Variants in ACSL3 observed in about 807,000 individuals in gnomAD.
ACSL3 encodes the protein fatty acid CoA ligase Acsl3.
In ACSL3, 34 loss-of-function variants were observed where a neutral mutation model predicts 84.7. That is an observed-to-expected ratio of 0.40 (90% CI 0.31 to 0.53). ACSL3 has a LOEUF of 0.53. Ranked by LOEUF, ACSL3 falls within the 20% of genes least tolerant of loss-of-function variation. The probability of loss-of-function intolerance (pLI) is 0.48; values close to 1 mark genes in which losing one functional copy is unlikely to be tolerated. For missense variants in ACSL3, 680 were observed against 873.1 expected (o/e 0.78, Z 2.79); for synonymous variants, 315 against 299.4 (o/e 1.05, Z -0.54).
At chr2:222,932,105 C>T (rs928524683) in intron 14 of ACSL3, among the ~76,000 whole-genome samples, 7 of 152,274 alleles carry the variant, frequency 4.6e-5, no homozygotes, top group Middle Eastern at 3.4e-3. Flanking sequence ...TTCCAAATCC[C>T]CAGGTTGGAG....
Position 222,921,387 on chromosome 2 carries a change from A to T in ACSL3, c.913A>T (p.Ile305Phe), listed in dbSNP as rs1699124305. 6.3e-7 allele frequency: 1 copy of T among 1,599,064 alleles called. No homozygotes were observed. Among genetic ancestry groups the T allele is most frequent in the African/African-American group, 1.3e-5 (1 of 74,722 alleles). The change falls in exon 8 of 17, where the codon ATT becomes TTT. Residue 305 changes from isoleucine (I) to phenylalanine (F), a missense_variant. Ile to Phe is a conservative substitution (Grantham distance 21, BLOSUM62 0). Coordinates refer to ENST00000357430, the MANE Select transcript of ACSL3 (RefSeq NM_004457.5). ...AGTCATGATCTCACATAGTAACATT[A>T]TTGCTGGTATAACTGGGATGGCAGA... is the stretch of plus-strand genomic sequence containing the variant. ...KGVMISHSNI[I>F]AGITGMAERI...
At chr2:222,902,701 G>A (rs1259436569) in intron 3 of ACSL3, among the ~76,000 whole-genome samples, 1 of 152,228 alleles carries the variant, frequency 6.6e-6, no homozygotes, top group African/African-American at 2.4e-5. Context: ...AGCAAAGAGA[G>A]GGGTCCTGCA....
rs140746819 is a variant in ACSL3 at position 222,913,669 on chromosome 2, C to T, written c.379-2650C>T. On this transcript the variant is annotated intron_variant, in intron 4 of 16. Coordinates refer to ENST00000357430, the MANE Select transcript of ACSL3 (RefSeq NM_004457.5). ...CACAATTGTTAATCAGGCCACCTTA[C>T]TCACCTGCTTAATAAGACCCGGACT... Among the ~76,000 whole-genome samples, 437 of 152,264 alleles carry T rather than the reference C, an allele frequency of 2.9e-3. 1 individual carries two copies. The highest frequency in any genetic ancestry group is 9.8e-3 in the African/African-American group (407 of 41,540).
At position 222,912,006 on chromosome 2, in the gene ACSL3, A is replaced by G. The variant is rs543537653; in HGVS notation, c.378+2856A>G. On this transcript the variant is annotated intron_variant, in intron 4 of 16. Coordinates refer to ENST00000357430, the MANE Select transcript of ACSL3 (RefSeq NM_004457.5). ...CTATATGTCAGAAGATCTGCCTACTAGCATTTGCTATGAAATTGGCATTTG... is the reference window on the plus strand; with the variant it reads ...CTATATGTCAGAAGATCTGCCTACTGGCATTTGCTATGAAATTGGCATTTG... 3.3e-5 allele frequency among the ~76,000 whole-genome samples: 5 copies of G among 152,382 alleles called. No individual in the cohort carries two copies. In the South Asian group the frequency reaches 1.0e-3, roughly 32 times the overall value.
Position 222,927,019 on chromosome 2 carries a change from T to C in ACSL3, c.1295T>C (p.Phe432Ser). 1.9e-6 allele frequency: 3 copies of C among 1,610,902 alleles called. No homozygotes were observed. Among genetic ancestry groups the C allele is most frequent in the Non-Finnish European group, 2.5e-6 (3 of 1,177,498 alleles). The change falls in exon 12 of 17, where the codon TTT becomes TCT. Residue 432 changes from phenylalanine (F) to serine (S), a missense_variant and splice_region_variant. Physicochemically the swap from Phe to Ser is radical, Grantham distance 155. Transcript: ENST00000357430. ...KGRNTPLCDS[F>S]VFRKVRSLLG... ...GGTTCTCTAATTTTTTTCTTTAGCT[T>C]TGTTTTCCGGAAAGTTCGAAGCTTG...
intron 4 of ACSL3, among the ~76,000 whole-genome samples, chr2:222,910,196 A>G (rs1696408044): frequency 6.6e-6 from 1 of 152,226 alleles, no homozygotes; most frequent in African/African-American, 2.4e-5. Flanking sequence ...ATCGTGGAAT[A>G]GTGTGTTTCA....
intron 3 of ACSL3, among the ~76,000 whole-genome samples, chr2:222,905,497 AT>A (rs1696270080): frequency 6.6e-6 from 1 of 152,182 alleles, no homozygotes; most frequent in South Asian, 2.1e-4. Context: ...AACATGCAAA[AT>A]TAAATTTTAG....
At chr2:222,889,062 G>A (rs1695785907) in intron 2 of ACSL3, among the ~76,000 whole-genome samples, 1 of 152,180 alleles carries the variant, frequency 6.6e-6, no homozygotes, top group Non-Finnish European at 1.5e-5. Context: ...CATCAAGAGA[G>A]TTTAGCAGAT....
At chr2:222,920,449 A>G (rs1696701819) in intron 7 of ACSL3, among the ~76,000 whole-genome samples, 1 of 152,056 alleles carries the variant, frequency 6.6e-6, no homozygotes, top group Non-Finnish European at 1.5e-5. Context: ...TACTCTTCTG[A>G]TTTCAAATGG....
intron 1 of ACSL3, among the ~76,000 whole-genome samples, chr2:222,880,889 G>C (rs1379583779): frequency 1.3e-5 from 2 of 151,066 alleles, no homozygotes. Context: ...TGGTATCGAA[G>C]TATTTTTGTG....
rs762681476 is a variant in ACSL3, at chr2:222,924,467, T to C, written c.1164T>C (p.Asp388=). Residue 388 remains aspartate (D), a synonymous_variant, in exon 11 of 17, where the codon GAT becomes GAC. Coordinates refer to ENST00000357430, the MANE Select transcript of ACSL3 (RefSeq NM_004457.5). ...TLMAAVPEIM[D]RIYKNVMNKV... ...TTTTATACATTTAGGAAATCATGGA[T>C]CGGATCTACAAAAATGTCATGAATA... 3.7e-6 allele frequency: 6 copies of C among 1,604,046 alleles called. No individual in the cohort carries two copies. Among genetic ancestry groups the C allele is most frequent in the Non-Finnish European group, 5.1e-6 (6 of 1,176,320 alleles).
intron 4 of ACSL3, among the ~76,000 whole-genome samples, chr2:222,913,104 A>AT (rs1696487809): frequency 2.0e-5 from 3 of 152,162 alleles, no homozygotes; most frequent in South Asian, 4.1e-4. Context: ...GAAACACTTG[A>AT]TTTTTTCTTA....
rs765424641 is a variant in ACSL3, at chr2:222,898,292, CCT to C, written c.-147-2379_-147-2378del. ...GTTTCGTCATACAGAAATGTTAACT[CCT>C]CTGGATTTTGTAGGAAAATAACTCT... On this transcript the variant is annotated intron_variant, in intron 2 of 16. Transcript: ENST00000357430. Among the ~76,000 whole-genome samples the C allele has an allele frequency of 2.6e-5, 4 of 152,252 alleles. No homozygotes were observed. In the South Asian group the frequency reaches 6.2e-4, roughly 24 times the overall value.
intron 6 of ACSL3, among the ~76,000 whole-genome samples, chr2:222,918,578 G>GA (rs1384932655): frequency 3.8e-5 from 1 of 26,272 alleles, no homozygotes; most frequent in Non-Finnish European, 6.2e-5. Context: ...ACAGTAAAAA[G>GA]AGTTTCTTTG....
At chr2:222,907,320 C>T (rs78805033) in intron 3 of ACSL3, among the ~76,000 whole-genome samples, 3 of 152,200 alleles carry the variant, frequency 2.0e-5, no homozygotes, top group African/African-American at 7.2e-5. Context: ...TCTATCTACA[C>T]TTGCCTGGAA....
intron 13 of ACSL3, among the ~76,000 whole-genome samples, chr2:222,930,376 T>C (rs1696995696): frequency 6.6e-6 from 1 of 152,216 alleles, no homozygotes; most frequent in African/African-American, 2.4e-5. Flanking sequence ...ATGGAAGATG[T>C]TGGGTTTTAG....
At chr2:222,881,078 A>T (rs1205102582) in intron 1 of ACSL3, among the ~76,000 whole-genome samples, 1 of 152,242 alleles carries the variant, frequency 6.6e-6, no homozygotes, top group Non-Finnish European at 1.5e-5. Context: ...AGAGCCGTAA[A>T]TGTAAGCCAT....
chr2:222,893,951 C>T lies in ACSL3; in HGVS notation c.-148+6063C>T, dbSNP rs141193726. On this transcript the variant is annotated intron_variant, in intron 2 of 16. Transcript: ENST00000357430. Reference sequence around the variant, plus strand: ...GCTGGAGAGATCCTCCCACCTCAGCCTCCATTGTAGCTGGGACTACAGTCA... The same window carrying T: ...GCTGGAGAGATCCTCCCACCTCAGCTTCCATTGTAGCTGGGACTACAGTCA... 2.4e-3 allele frequency among the ~76,000 whole-genome samples: 370 copies of T among 152,298 alleles called. 3 individuals are homozygous for T. The highest frequency in any genetic ancestry group is 8.5e-3 in the African/African-American group (352 of 41,568).
chr2:222,873,025 G>C (rs17780761), intron 1 of ACSL3, among the ~76,000 whole-genome samples: 17,089 of 152,178 alleles, frequency 0.11, 1,218 homozygotes, highest in South Asian at 0.2. Context: ...GGGAAGATGA[G>C]GGAACTTGGA....
Sources: gnomAD v4.1 joint callset for allele counts (sites outside exome capture counted in the v4.1 genomes callset) on GRCh38, gnomAD v4.1.1 for gene constraint, MANE v1.5 for transcripts, NCBI Gene and HGNC (gene_info 2026-07-23, HGNC 2026-07-21) for gene names.